MADD: variants seen among roughly 807,000 people sequenced by gnomAD.
MADD encodes MAP kinase activating death domain, also known as MAP kinase-activating death domain protein.
In MADD, 109 loss-of-function variants were observed where a neutral mutation model predicts 176.7. The observed-to-expected ratio is 0.62, with a 90% CI of 0.53 to 0.72. MADD has a LOEUF of 0.72. MADD is among the 30% of genes least tolerant of loss of function. MADD has a pLI of 0.00. For synonymous variants in MADD, 771 were observed against 771.3 expected, an observed-to-expected ratio of 1.00 and a Z score of 0.01; for missense variants, 1,914 against 2,045.5, an observed-to-expected ratio of 0.94 and a Z score of 1.24.
chr11:47,296,024 T>C (rs772152317), exon 22 of MADD: 3 of 1,613,982 alleles, frequency 1.9e-6, no homozygotes, highest in African/African-American at 2.7e-5. Context: ...GATAGTGAAA[T>C]TGAGACCAAC....
At chr11:47,284,794 G>T in intron 12 of MADD, 147 bp from the exon 13 acceptor site, 2 of 1,275,562 alleles carry the variant, frequency 1.6e-6, no homozygotes, top group Non-Finnish European at 2.2e-6. Flanking sequence ...AGTTTGTGGG[G>T]ACAGAGAACG....
intron 31 of MADD, chr11:47,327,905 C>T (rs1192798179): frequency 1.0e-6 from 1 of 985,346 alleles, no homozygotes; most frequent in East Asian, 1.1e-4. Flanking sequence ...CAAGCAGAAC[C>T]CCTGCATGGC....
At chr11:47,285,267 A>C in intron 13 of MADD, 73 bp downstream of exon 13, 1 of 1,575,938 alleles carries the variant, frequency 6.3e-7, no homozygotes, top group Non-Finnish European at 8.6e-7. Flanking sequence ...GCAAGGGTTA[A>C]TCAGAAAGTC....
At chr11:47,271,951 A>ATAT (rs1964710567) in intron 1 of MADD, 3 of 152,210 alleles carry the variant, frequency 2.0e-5, no homozygotes, top group Non-Finnish European at 2.9e-5. Context: ...TTCGTTAAGC[A>ATAT]GTGGTGATAC....
At chr11:47,273,549 C>T (rs978478885) in intron 1 of MADD, among the ~76,000 whole-genome samples, 3 of 152,194 alleles carry the variant, frequency 2.0e-5, no homozygotes, top group African/African-American at 7.2e-5. Flanking sequence ...CCATGTTGGC[C>T]AGCTGGTCTC....
At chr11:47,323,909 T>TA in intron 28 of MADD, 74 bp downstream of exon 31, 1 of 1,517,860 alleles carries the variant, frequency 6.6e-7, no homozygotes. Flanking sequence ...TTTGGGAAGT[T>TA]AAAATTCCAA....
At chr11:47,317,728 G>C (rs2141514237) in intron 27 of MADD, among the ~76,000 whole-genome samples, 1 of 151,952 alleles carries the variant, frequency 6.6e-6, no homozygotes, top group Middle Eastern at 3.4e-3. Flanking sequence ...TTCTGATTTT[G>C]CCTATGGTAT....
At chr11:47,328,736 G>A (rs2305280) in intron 32 of MADD, 32 bp downstream of exon 36, 460,017 of 1,612,942 alleles carry the variant, frequency 0.29, 72,370 homozygotes, top group East Asian at 0.64. Flanking sequence ...GATGGGCCAC[G>A]GTGCGCAGGG....
chr11:47,282,557 A>G, exon 9 of MADD: 2 of 1,614,058 alleles, frequency 1.2e-6, no homozygotes, highest in East Asian at 2.2e-5. Context: ...CAGGCTGTGG[A>G]GTACTTTGGG....
chr11:47,328,095 C>G, intron 31 of MADD: 12 of 996,160 alleles, frequency 1.2e-5, no homozygotes, highest in Non-Finnish European at 1.4e-5. Context: ...TCCTGCCACT[C>G]AGGGAAGGAC....
At chr11:47,281,618 T>C (rs566658351) in exon 8 of MADD, 2 of 1,613,368 alleles carry the variant, frequency 1.2e-6, no homozygotes, top group South Asian at 1.1e-5. Flanking sequence ...ATCCTCAATC[T>C]GGAGAAATTT....
At chr11:47,292,266 C>G (rs1476792029) in intron 19 of MADD, among the ~76,000 whole-genome samples, 1 of 152,114 alleles carries the variant, frequency 6.6e-6, no homozygotes, top group East Asian at 1.9e-4. Context: ...AATGAAGGAG[C>G]TTTGTTAAGG....
chr11:47,276,290 T>A, intron 4 of MADD, 88 bp downstream of exon 4: 1 of 1,326,382 alleles, frequency 7.5e-7, no homozygotes, highest in South Asian at 1.5e-5. Context: ...GGACAGGGAC[T>A]ACATATTTTT....
chr11:47,316,858 C>T (rs2093217658), intron 27 of MADD, among the ~76,000 whole-genome samples: 1 of 152,096 alleles, frequency 6.6e-6, no homozygotes, highest in African/African-American at 2.4e-5. Flanking sequence ...ATTCTCCTGC[C>T]TCAGCTGCCT....
At chr11:47,309,018 G>A in intron 23 of MADD, 2 of 1,614,110 alleles carry the variant, frequency 1.2e-6, no homozygotes, top group Non-Finnish European at 1.7e-6. Flanking sequence ...GTTAGAGGAT[G>A]CAGCTATGGA....
chr11:47,304,113 T>C (rs2080439906), intron 22 of MADD, among the ~76,000 whole-genome samples: 2 of 152,230 alleles, frequency 1.3e-5, no homozygotes, highest in East Asian at 3.8e-4. Flanking sequence ...TAGACCTTCT[T>C]GACTGTTTTC....
chr11:47,318,317 T>G (rs2093637639), intron 27 of MADD, among the ~76,000 whole-genome samples: 1 of 152,230 alleles, frequency 6.6e-6, no homozygotes, highest in Non-Finnish European at 1.5e-5. Context: ...AATATCACAT[T>G]CACAGTTTTT....
In MADD at chr11:47,295,545, G is replaced by A. The variant is rs549453435; in HGVS notation, c.3452G>A (p.Arg1151His). The change falls in exon 21 of 33, where the codon CGC (arginine) becomes CAC (histidine). Residue 1151 changes from arginine to histidine, a missense_variant. Around this residue, in one of 2 missense-constraint regions of MADD, gnomAD observed 1,767 missense variants for 1,836.0 expected, o/e 0.96. Transcript: ENST00000402192. ...GGCGTGAGTCCAGCTGTTATGATCC[G>A]CAGCTCAAGTCAGGATTCTGAAGTT... 7.9e-5 allele frequency: 128 copies of A among 1,614,042 alleles called. 1 individual carries two copies. The South Asian group carries it at 8.5e-4, about 11-fold the overall frequency.
chr11:47,275,076 T>C, exon 3 of MADD: 1 of 1,614,232 alleles, frequency 6.2e-7, no homozygotes, highest in Non-Finnish European at 8.5e-7. Flanking sequence ...TCCGAGAGTG[T>C]TTGTATACTC....
Sources: allele counts gnomAD v4.1 joint callset (sites outside exome capture counted in the v4.1 genomes callset), GRCh38; gene constraint gnomAD v4.1.1; regional missense constraint gnomAD v4.1.1; transcripts MANE v1.5; gene names NCBI Gene and HGNC (gene_info 2026-07-23, HGNC 2026-07-21).